The following EYS variants were observed in gnomAD, a reference collection of about 807,000 sequenced individuals.
EYS encodes EGF-like photoreceptor maintenance factor.
Under a neutral mutation model 282.1 loss-of-function variants are expected in EYS, and 250 were observed. The ratio of observed to expected loss-of-function variants is 0.89; its 90% CI spans 0.80 to 0.98. EYS has a LOEUF of 0.98. Among genes scored for constraint, EYS ranks in the 50% least tolerant of loss-of-function variants. EYS has a pLI of 0.00. For synonymous variants in EYS, 1,355 were observed against 1,282.9 expected (o/e 1.06, Z -1.20); for missense variants, 4,016 against 3,709.0 (o/e 1.08, Z -2.15).
chr6:65,029,082 C>T (rs1440725931), intron 13 of EYS, among the ~76,000 whole-genome samples: 1 of 152,122 alleles, frequency 6.6e-6, no homozygotes, highest in African/African-American at 2.4e-5. Context: ...GAGCTGTCCC[C>T]TGTGTCCTTT....
At chr6:65,219,774 A>G (rs1272522229) in intron 12 of EYS, among the ~76,000 whole-genome samples, 2 of 152,158 alleles carry the variant, frequency 1.3e-5, no homozygotes, top group African/African-American at 2.4e-5. Flanking sequence ...AATTCTCACA[A>G]TCATGGTGGG....
chr6:65,362,601 A>C (rs981192201), intron 8 of EYS, among the ~76,000 whole-genome samples: 1 of 151,734 alleles, frequency 6.6e-6, no homozygotes, highest in East Asian at 1.9e-4. Flanking sequence ...GTATACATTT[A>C]TATATATGCC....
At chr6:63,725,876 T>C (rs964461868) in intron 42 of EYS, among the ~76,000 whole-genome samples, 11 of 152,148 alleles carry the variant, frequency 7.2e-5, no homozygotes, top group African/African-American at 1.9e-4. Context: ...GAAAGTCAAA[T>C]GTAAGATTTT....
chr6:65,620,305 T>G (rs976002332), intron 2 of EYS, among the ~76,000 whole-genome samples: 243 of 152,336 alleles, frequency 1.6e-3, no homozygotes, highest in African/African-American at 5.6e-3. Context: ...GTCGAGGAAT[T>G]CATCCATTTC....
chr6:63,898,378 C>T (rs1773585391), intron 35 of EYS, among the ~76,000 whole-genome samples: 1 of 152,036 alleles, frequency 6.6e-6, no homozygotes, highest in Admixed American at 6.6e-5. Context: ...GTAATCCCAG[C>T]TGCTCAGGAG....
chr6:64,115,271 G>A (rs1336450320), intron 31 of EYS, among the ~76,000 whole-genome samples: 1 of 152,072 alleles, frequency 6.6e-6, no homozygotes, highest in Non-Finnish European at 1.5e-5. Context: ...TTGGAGAGAG[G>A]TCTGAATGCC....
intron 12 of EYS, among the ~76,000 whole-genome samples, chr6:65,061,727 G>A (rs1773580620): frequency 6.6e-6 from 1 of 151,696 alleles, no homozygotes. Context: ...GTTACTTAAT[G>A]ATATTTACTT....
At chr6:65,217,524 A>T (rs1766346659) in intron 12 of EYS, among the ~76,000 whole-genome samples, 1 of 152,050 alleles carries the variant, frequency 6.6e-6, no homozygotes, top group Non-Finnish European at 1.5e-5. Flanking sequence ...TTTAGGGATG[A>T]TCAAAACAGA....
chr6:64,207,558 T>C (rs1008067878), intron 31 of EYS, among the ~76,000 whole-genome samples: 5 of 152,172 alleles, frequency 3.3e-5, no homozygotes, highest in Admixed American at 1.3e-4. Context: ...GGATACTGCA[T>C]GAAGTTTGGG....
At chr6:65,177,692 C>A (rs901755215) in intron 12 of EYS, among the ~76,000 whole-genome samples, 2 of 151,604 alleles carry the variant, frequency 1.3e-5, no homozygotes, top group African/African-American at 2.4e-5. Context: ...TCTAAATGGA[C>A]AAATGAACAA....
intron 41 of EYS, among the ~76,000 whole-genome samples, chr6:63,737,186 C>A (rs1405948541): frequency 2.0e-5 from 3 of 152,006 alleles, no homozygotes; most frequent in Non-Finnish European, 4.4e-5. Flanking sequence ...GGGAATGCTT[C>A]CAGTTTTTGC....
At chr6:63,914,844 C>G (rs1764379002) in intron 35 of EYS, among the ~76,000 whole-genome samples, 1 of 152,074 alleles carries the variant, frequency 6.6e-6, no homozygotes, top group African/African-American at 2.4e-5. Context: ...GGCCTTAACT[C>G]TTTTTTGATT....
chr6:63,851,424 A>T (rs1268788556), intron 36 of EYS, among the ~76,000 whole-genome samples: 1 of 152,204 alleles, frequency 6.6e-6, no homozygotes, highest in East Asian at 1.9e-4. Context: ...AATTGGAAGT[A>T]AAGCACCCCT....
intron 35 of EYS, among the ~76,000 whole-genome samples, chr6:63,876,852 C>G (rs772691550): frequency 4.6e-5 from 7 of 152,058 alleles, no homozygotes; most frequent in Non-Finnish European, 8.8e-5. Flanking sequence ...TATTTTGAGC[C>G]TATGTGTGTC....
chr6:63,720,806 GTTTT>G lies in EYS; in HGVS notation c.9221_9224del (p.Lys3074ThrfsTer5). 1.3e-6 allele frequency: 2 copies of G among 1,550,906 alleles called. No homozygotes were observed. Among genetic ancestry groups the G allele is most frequent in the Non-Finnish European group, 1.7e-6 (2 of 1,146,458 alleles). On this transcript the variant is annotated frameshift_variant, in exon 43 of 43. Coordinates refer to ENST00000503581, the MANE Select transcript of EYS (RefSeq NM_001142800.2). LOFTEE classifies it high-confidence loss of function. ...TGCCATCATAGTTTAGAGCCACAAA[GTTTT>G]TATGTGGATCAATATCCTCGGAAAG...
intron 2 of EYS, among the ~76,000 whole-genome samples, chr6:65,576,878 T>G (rs1764687731): frequency 6.6e-6 from 1 of 151,730 alleles, no homozygotes; most frequent in Non-Finnish European, 1.5e-5. Context: ...AAAGACTTTG[T>G]ATACTGAAAA....
chr6:65,082,310 C>T (rs1439381879), intron 12 of EYS, among the ~76,000 whole-genome samples: 1 of 151,828 alleles, frequency 6.6e-6, no homozygotes, highest in Admixed American at 6.6e-5. Context: ...TGGATATAGT[C>T]CACATAAATA....
At chr6:63,995,965 A>T (rs1421455289) in intron 34 of EYS, among the ~76,000 whole-genome samples, 1 of 152,036 alleles carries the variant, frequency 6.6e-6, no homozygotes, top group African/African-American at 2.4e-5. Flanking sequence ...TACCACAAAG[A>T]AATGATAAAT....
rs1450099643 is a variant in EYS at position 64,520,869 on chromosome 6, G to C, written c.5644+69354C>G. ...ATCAGTTAGGATTTGATCAGGAAAA[G>C]AGAAGCCACGAGGTAAGAAAGAGTC... On this transcript the variant is annotated intron_variant, in intron 26 of 42. Coordinates refer to ENST00000503581, the MANE Select transcript of EYS (RefSeq NM_001142800.2). Among the ~76,000 whole-genome samples, 3 of 151,676 alleles carry C rather than the reference G, an allele frequency of 2.0e-5. No individual in the cohort carries two copies. The Admixed American group carries it at 2.0e-4, about 10-fold the overall frequency.
Sources: gnomAD v4.1 joint callset for allele counts (sites outside exome capture counted in the v4.1 genomes callset) on GRCh38, gnomAD v4.1.1 for gene constraint, MANE v1.5 for transcripts, NCBI Gene and HGNC (gene_info 2026-07-23, HGNC 2026-07-21) for gene names.